SDK1: variants seen among roughly 807,000 people sequenced by gnomAD.
SDK1 encodes the protein protein sidekick-1.
SDK1 carries 157 observed loss-of-function variants against 245.5 expected under a neutral mutation model. The observed-to-expected ratio is 0.64, with a 90% CI of 0.56 to 0.73. The LOEUF (loss-of-function observed/expected upper bound fraction) is 0.73. Ranked by LOEUF, SDK1 falls within the 30% of genes least tolerant of loss-of-function variation. The pLI, the probability that SDK1 is intolerant of heterozygous loss-of-function variation, is 0.00. For synonymous variants in SDK1, 1,647 were observed against 1,278.5 expected, an observed-to-expected ratio of 1.29 and a Z score of -6.15; for missense variants, 3,583 against 3,002.3, an observed-to-expected ratio of 1.19 and a Z score of -4.52.
chr7:3,802,699 G>A (rs998390085), intron 4 of SDK1, among the ~76,000 whole-genome samples: 1 of 152,110 alleles, frequency 6.6e-6, no homozygotes, highest in South Asian at 2.1e-4. Context: ...TATGTAAGTG[G>A]ACCCTACATT....
Position 4,127,415 on chromosome 7 carries a change from G to A in SDK1, c.3858G>A (p.Glu1286=). 1.2e-6 allele frequency: 2 copies of A among 1,614,216 alleles called. No homozygotes were observed. Among genetic ancestry groups the A allele is most frequent in the Non-Finnish European group, 1.7e-6 (2 of 1,180,020 alleles). ...PSAAPENVSA[E]AVSSTQILLT... ...CCGCCCCTGAGAACGTGTCAGCCGA[G>A]GCTGTCAGCTCGACCCAGATTTTAC... is the stretch of plus-strand genomic sequence containing the variant. The change falls in exon 26 of 45, where the codon GAG becomes GAA. Residue 1286 remains glutamate (E), a synonymous_variant. Transcript: ENST00000404826.
intron 1 of SDK1, among the ~76,000 whole-genome samples, chr7:3,443,830 C>G (rs1429707768): frequency 6.6e-6 from 1 of 152,106 alleles, no homozygotes; most frequent in Non-Finnish European, 1.5e-5. Flanking sequence ...GTGATATCAC[C>G]ATTGGAAGTT....
At chr7:4,178,235 G>A (rs753953769) in intron 34 of SDK1, among the ~76,000 whole-genome samples, 3 of 152,208 alleles carry the variant, frequency 2.0e-5, no homozygotes, top group Non-Finnish European at 4.4e-5. Context: ...AGGGAGCTCC[G>A]TGCTGCCTCT....
At chr7:3,992,694 T>G (rs1220503620) in intron 14 of SDK1, among the ~76,000 whole-genome samples, 2 of 152,198 alleles carry the variant, frequency 1.3e-5, no homozygotes, top group East Asian at 3.9e-4. Context: ...GTAAGAATTG[T>G]GAAAGACTTT....
chr7:3,677,239 A>G (rs185370291), intron 4 of SDK1, among the ~76,000 whole-genome samples: 2 of 152,142 alleles, frequency 1.3e-5, no homozygotes, highest in Admixed American at 6.5e-5. Flanking sequence ...TGTGTACACT[A>G]TTTTTATTTA....
chr7:3,672,766 T>TATATATATATATATATAA (rs1783750617), intron 4 of SDK1, among the ~76,000 whole-genome samples: 1 of 74,294 alleles, frequency 1.3e-5, no homozygotes, highest in Non-Finnish European at 2.6e-5. Context: ...ATTTTATATA[T>TATATATATATATATATAA]ATATATATAT....
At chr7:3,555,307 A>G (rs1028002924) in intron 1 of SDK1, among the ~76,000 whole-genome samples, 2 of 152,222 alleles carry the variant, frequency 1.3e-5, no homozygotes, top group Non-Finnish European at 2.9e-5. Flanking sequence ...CTTTTGACAA[A>G]GGTGCCAAGA....
chr7:3,473,449 T>C (rs1781246270), intron 1 of SDK1, among the ~76,000 whole-genome samples: 1 of 152,214 alleles, frequency 6.6e-6, no homozygotes, highest in Admixed American at 6.5e-5. Flanking sequence ...AGTGTATTGT[T>C]AGGAATTGTA....
chr7:4,129,689 A>T, intron 26 of SDK1: 1 of 1,397,228 alleles, frequency 7.2e-7, no homozygotes, highest in Non-Finnish European at 9.3e-7. Flanking sequence ...AGCCGTGGGC[A>T]CTAACTCAAG....
intron 1 of SDK1, among the ~76,000 whole-genome samples, chr7:3,537,435 C>T (rs948678101): frequency 2.0e-5 from 3 of 152,146 alleles, no homozygotes; most frequent in African/African-American, 2.4e-5. Flanking sequence ...TTCCAAGGCC[C>T]CCGACTGGAA....
At chr7:4,022,834 C>T (rs762848263) in intron 17 of SDK1, among the ~76,000 whole-genome samples, 2 of 147,854 alleles carry the variant, frequency 1.4e-5, no homozygotes. Context: ...AGTGCAGTGG[C>T]GCGATCTCGG....
intron 4 of SDK1, among the ~76,000 whole-genome samples, chr7:3,808,062 C>G (rs1449936542): frequency 6.6e-6 from 1 of 152,142 alleles, no homozygotes; most frequent in Non-Finnish European, 1.5e-5. Context: ...AAGGGACTCC[C>G]ATGCAGTCAT....
intron 1 of SDK1, among the ~76,000 whole-genome samples, chr7:3,517,410 TAGAGAG>T (rs959294160): frequency 6.6e-6 from 1 of 152,142 alleles, no homozygotes; most frequent in Non-Finnish European, 1.5e-5. Context: ...TGTAGAGTAT[TAGAGAG>T]AGAGATGCAT....
chr7:4,150,583 G>C (rs563218333), intron 30 of SDK1, among the ~76,000 whole-genome samples: 1 of 152,202 alleles, frequency 6.6e-6, no homozygotes, highest in Non-Finnish European at 1.5e-5. Flanking sequence ...CCTCCGTGGC[G>C]CCCAGCCATC....
intron 4 of SDK1, among the ~76,000 whole-genome samples, chr7:3,726,115 A>G (rs539378178): frequency 4.6e-5 from 7 of 152,348 alleles, no homozygotes; most frequent in African/African-American, 1.7e-4. Context: ...TAAAGCAGGA[A>G]TTTCGACTTT....
chr7:3,379,054 A>G (rs1394671639), intron 1 of SDK1, among the ~76,000 whole-genome samples: 1 of 152,146 alleles, frequency 6.6e-6, no homozygotes, highest in Non-Finnish European at 1.5e-5. Flanking sequence ...TGCTGCACTG[A>G]TAATGGGATT....
chr7:4,116,154 G>A (rs1014657127), intron 25 of SDK1, among the ~76,000 whole-genome samples: 5 of 152,166 alleles, frequency 3.3e-5, no homozygotes, highest in Admixed American at 1.3e-4. Context: ...CGAGGTGGGA[G>A]GGCAGCCTCT....
chr7:4,064,907 T>C (rs532496126), intron 19 of SDK1, among the ~76,000 whole-genome samples: 1 of 152,088 alleles, frequency 6.6e-6, no homozygotes, highest in African/African-American at 2.4e-5. Flanking sequence ...GAGGGGTGTG[T>C]CGGTGGAGCA....
At chr7:3,330,615 G>C (rs552143925) in intron 1 of SDK1, among the ~76,000 whole-genome samples, 1 of 152,126 alleles carries the variant, frequency 6.6e-6, no homozygotes, top group African/African-American at 2.4e-5. Flanking sequence ...CCAGATGCCA[G>C]TGCCATGGTC....
Sources: gnomAD v4.1 joint callset for allele counts (sites outside exome capture counted in the v4.1 genomes callset) on GRCh38, gnomAD v4.1.1 for gene constraint, MANE v1.5 for transcripts, NCBI Gene and HGNC (gene_info 2026-07-23, HGNC 2026-07-21) for gene names.